Variants in GLRA2 observed in about 807,000 individuals in gnomAD.
The protein encoded by GLRA2 is glycine receptor subunit alpha-2.
In GLRA2, 11 loss-of-function variants were observed where a neutral mutation model predicts 31.6. The ratio of observed to expected loss-of-function variants is 0.35; its 90% CI spans 0.22 to 0.58. The LOEUF is 0.58. Among genes scored for constraint, GLRA2 ranks in the 20% least tolerant of loss-of-function variants. GLRA2 has a pLI of 0.84. For synonymous variants in GLRA2, 132 were observed against 134.0 expected, an observed-to-expected ratio of 0.99 and a Z score of 0.10; for missense variants, 212 against 351.8, an observed-to-expected ratio of 0.60 and a Z score of 3.18.
intron 7 of GLRA2, among the ~76,000 whole-genome samples, chrX:14,654,117 C>T (rs965904101): frequency 1.8e-5 from 2 of 110,975 alleles, no homozygotes; most frequent in Admixed American, 1.9e-4. Flanking sequence ...AGAATGAGAC[C>T]CTGTCTCTTA....
intron 7 of GLRA2, among the ~76,000 whole-genome samples, chrX:14,642,331 C>T (rs113309258): frequency 2.7e-5 from 3 of 111,984 alleles, no homozygotes; most frequent in African/African-American, 9.7e-5. Context: ...AAGTCTTCAT[C>T]TCTACCTCTT....
chrX:14,679,010 G>C (rs2091172517), intron 7 of GLRA2, among the ~76,000 whole-genome samples: 1 of 110,894 alleles, frequency 9.0e-6, no homozygotes, highest in African/African-American at 3.3e-5. Context: ...TTCCATGGAG[G>C]ATCCAAAAGA....
At chrX:14,597,107 T>C (rs1472880408) in intron 4 of GLRA2, among the ~76,000 whole-genome samples, 1 of 112,032 alleles carries the variant, frequency 8.9e-6, no homozygotes, top group African/African-American at 3.2e-5. Context: ...TGTTTGATAC[T>C]TGATGCATCC....
At chrX:14,499,549 C>T in the GLRA2 span, among the ~76,000 whole-genome samples, 2 of 111,333 alleles carry the variant, frequency 1.8e-5, no homozygotes, top group East Asian at 2.8e-4. Flanking sequence ...AAATAATGTC[C>T]TTTGCAGCAA....
intron 8 of GLRA2, among the ~76,000 whole-genome samples, chrX:14,711,986 T>A (rs2091716932): frequency 8.8e-6 from 1 of 113,043 alleles, no homozygotes; most frequent in South Asian, 3.6e-4. Flanking sequence ...TGCCAGATGG[T>A]TAAAAGATAC....
intron 7 of GLRA2, among the ~76,000 whole-genome samples, chrX:14,611,916 G>A (rs889442385): frequency 1.8e-5 from 2 of 111,940 alleles, no homozygotes; most frequent in South Asian, 3.7e-4. Flanking sequence ...GGCAAATATC[G>A]CAATTACTTT....
At chrX:14,481,059 T>G in the GLRA2 span, among the ~76,000 whole-genome samples, 1 of 111,430 alleles carries the variant, frequency 9.0e-6, no homozygotes, top group Non-Finnish European at 1.9e-5. Context: ...TAGCAGTGCT[T>G]TGTAGTTCTC....
intron 7 of GLRA2, among the ~76,000 whole-genome samples, chrX:14,671,093 T>C (rs1233738333): frequency 8.9e-6 from 1 of 112,079 alleles, no homozygotes; most frequent in African/African-American, 3.2e-5. Context: ...ATGGGCAATA[T>C]AGGTCCTAAA....
the GLRA2 span, among the ~76,000 whole-genome samples, chrX:14,467,523 G>A: frequency 0.24 from 26,856 of 111,295 alleles, 2,655 homozygotes; most frequent in African/African-American, 0.38. Flanking sequence ...GAAAGTAACA[G>A]TACAATAAAG....
At chrX:14,493,692 C>CATATGTAT in the GLRA2 span, among the ~76,000 whole-genome samples, 6 of 81,373 alleles carry the variant, frequency 7.4e-5, no homozygotes, top group African/African-American at 3.4e-4. Flanking sequence ...TACATATACA[C>CATATGTAT]GTATATATGT....
the GLRA2 span, among the ~76,000 whole-genome samples, chrX:14,486,627 C>T: frequency 1.8e-5 from 2 of 111,507 alleles, no homozygotes; most frequent in Non-Finnish European, 1.9e-5. Flanking sequence ...ATTAGGCATA[C>T]GATGAGATGA....
chrX:14,487,387 TAAAAAAAAAAA>T, the GLRA2 span, among the ~76,000 whole-genome samples: 7 of 27,946 alleles, frequency 2.5e-4, no homozygotes, highest in African/African-American at 5.0e-4. Flanking sequence ...TGGTTTTCTG[TAAAAAAAAAAA>T]AAAAAAAAAA....
intron 4 of GLRA2, among the ~76,000 whole-genome samples, chrX:14,588,627 A>G (rs982555029): frequency 9.0e-6 from 1 of 111,538 alleles, no homozygotes; most frequent in Non-Finnish European, 1.9e-5. Flanking sequence ...GAAAAATGAC[A>G]TTGTTAGTTT....
At chrX:14,536,267 A>G (rs895708155) in intron 2 of GLRA2, among the ~76,000 whole-genome samples, 3 of 112,423 alleles carry the variant, frequency 2.7e-5, no homozygotes, top group Non-Finnish European at 5.6e-5. Flanking sequence ...TTGCCCCTGG[A>G]AAATGATCAT....
intron 7 of GLRA2, among the ~76,000 whole-genome samples, chrX:14,682,419 GGTGA>G (rs1264302590): frequency 4.6e-4 from 51 of 110,842 alleles, no homozygotes; most frequent in African/African-American, 1.6e-3. Flanking sequence ...TATGATTGTG[GGTGA>G]GTTTTATGTT....
Position 14,668,242 on chromosome X carries a change from C to T in GLRA2, c.931-22468C>T, listed in dbSNP as rs764655024. On this transcript the variant is annotated intron_variant, in intron 7 of 8. Coordinates refer to ENST00000218075, the MANE Select transcript of GLRA2 (RefSeq NM_002063.4). ...AAGAGCCAGCAAGAGAGTGCCAGCACGAAAGAAAGTGCAAGCAAGATGGAA... is the reference window on the plus strand; with the variant it reads ...AAGAGCCAGCAAGAGAGTGCCAGCATGAAAGAAAGTGCAAGCAAGATGGAA... Among the ~76,000 whole-genome samples, 19 of 112,044 alleles carry T rather than the reference C, an allele frequency of 1.7e-4. 1 individual carries two copies. The East Asian group carries it at 2.8e-3, about 17-fold the overall frequency.
chrX:14,605,319 T>C (rs1408160251), intron 5 of GLRA2, among the ~76,000 whole-genome samples: 1 of 112,069 alleles, frequency 8.9e-6, no homozygotes, highest in Non-Finnish European at 1.9e-5. Context: ...GATTTCATTC[T>C]GATCATCTAA....
the GLRA2 span, among the ~76,000 whole-genome samples, chrX:14,519,265 TGA>T: frequency 9.0e-6 from 1 of 111,557 alleles, no homozygotes; most frequent in African/African-American, 3.3e-5. Flanking sequence ...AAAAGAAGTC[TGA>T]GAGATAAATC....
chrX:14,724,626 C>CAAAAAA (rs758722703), intron 8 of GLRA2, among the ~76,000 whole-genome samples: 2 of 49,582 alleles, frequency 4.0e-5, no homozygotes, highest in South Asian at 1.5e-3. Context: ...AACTCTGTCT[C>CAAAAAA]AAAAAAAAAA....
Sources: allele counts gnomAD v4.1 joint callset (sites outside exome capture counted in the v4.1 genomes callset), GRCh38; gene constraint gnomAD v4.1.1; transcripts MANE v1.5; gene names NCBI Gene and HGNC (gene_info 2026-07-23, HGNC 2026-07-21).